The following CSMD1 variants were observed in gnomAD, a reference collection of about 807,000 sequenced individuals.
CSMD1 encodes the protein CUB and Sushi multiple domains 1.
Under a neutral mutation model 417.5 loss-of-function variants are expected in CSMD1, and 213 were observed. The ratio of observed to expected loss-of-function variants is 0.51; its 90% CI spans 0.46 to 0.57. The LOEUF is 0.57. Ranked by LOEUF, CSMD1 falls within the 20% of genes least tolerant of loss-of-function variation. The pLI, the probability that CSMD1 is intolerant of heterozygous loss-of-function variation, is 0.00. For missense variants in CSMD1, 6,923 were observed against 4,529.7 expected (o/e 1.53, Z -15.17); for synonymous variants, 2,862 against 1,736.8 (o/e 1.65, Z -16.11).
Position 3,683,219 on chromosome 8 carries a change from T to TA in CSMD1, c.1009+25194dup, listed in dbSNP as rs552810885. Among the ~76,000 whole-genome samples, 443 of 151,050 alleles carry TA rather than the reference T, an allele frequency of 2.9e-3. 1 individual carries two copies. Among genetic ancestry groups the TA allele is most frequent in the African/African-American group, 0.01 (421 of 41,298 alleles). On this transcript the variant is annotated intron_variant, in intron 7 of 69. Coordinates refer to ENST00000635120, the MANE Select transcript of CSMD1 (RefSeq NM_033225.6). ...AAATATACATATAAATATATAAAAT[T>TA]AAAAAATAAAATAATAAAAAATAAA...
chr8:4,663,659 T>C (rs551911219), intron 1 of CSMD1, among the ~76,000 whole-genome samples: 1 of 152,292 alleles, frequency 6.6e-6, no homozygotes, highest in South Asian at 2.1e-4. Flanking sequence ...TTAAGTTCCC[T>C]GAGACCTCCC....
chr8:4,760,963 G>C (rs890183548), intron 1 of CSMD1, among the ~76,000 whole-genome samples: 1 of 151,942 alleles, frequency 6.6e-6, no homozygotes, highest in Non-Finnish European at 1.5e-5. Context: ...TCAGACCAAA[G>C]TTGCATTATT....
At chr8:3,780,938 TA>T (rs916123663) in intron 5 of CSMD1, among the ~76,000 whole-genome samples, 1 of 152,176 alleles carries the variant, frequency 6.6e-6, no homozygotes, top group African/African-American at 2.4e-5. Flanking sequence ...TTTCTAAATG[TA>T]AAAATAAAGC....
intron 3 of CSMD1, among the ~76,000 whole-genome samples, chr8:4,380,008 C>G (rs1803000136): frequency 6.6e-6 from 1 of 152,180 alleles, no homozygotes; most frequent in Admixed American, 6.5e-5. Flanking sequence ...GAGAGGACTG[C>G]TGAAACTCAA....
intron 3 of CSMD1, among the ~76,000 whole-genome samples, chr8:4,276,860 A>C (rs1466053707): frequency 1.3e-5 from 2 of 152,236 alleles, no homozygotes; most frequent in Non-Finnish European, 2.9e-5. Context: ...TTCCTTAATC[A>C]GAAAATAAGT....
At chr8:3,063,401 G>A (rs945116460) in intron 49 of CSMD1, among the ~76,000 whole-genome samples, 1 of 152,162 alleles carries the variant, frequency 6.6e-6, no homozygotes, top group Non-Finnish European at 1.5e-5. Context: ...CTGTCAATAG[G>A]ACTGTTAAAC....
rs151326268 is a variant in CSMD1, at chr8:4,657,759, T to C, written c.86-20201A>G. On this transcript the variant is annotated intron_variant, in intron 1 of 69. Coordinates refer to ENST00000635120, the MANE Select transcript of CSMD1 (RefSeq NM_033225.6). The stretch of plus-strand genomic sequence containing the variant: ...ACTCTCCCTGAAAAAGCACGGACAT[T>C]TGAATTAGTAGAAAAAGACTTAAAC... Among the ~76,000 whole-genome samples the C allele has an allele frequency of 1.8e-3, 269 of 148,002 alleles. 1 individual carries two copies. Among genetic ancestry groups the C allele is most frequent in the African/African-American group, 6.5e-3 (262 of 40,550 alleles).
intron 2 of CSMD1, among the ~76,000 whole-genome samples, chr8:4,543,671 GAAAAAAAAAAAAAAAAAAAA>G (rs35739254): frequency 3.5e-5 from 2 of 57,318 alleles, no homozygotes; most frequent in Non-Finnish European, 6.2e-5. Context: ...GTTTAATTTT[GAAAAAAAAAAAAAAAAAAAA>G]AAAAAAAAAC....
At chr8:3,941,232 G>A (rs1474621029) in intron 5 of CSMD1, among the ~76,000 whole-genome samples, 1 of 151,830 alleles carries the variant, frequency 6.6e-6, no homozygotes, top group Non-Finnish European at 1.5e-5. Flanking sequence ...CCTAGCAAAT[G>A]TATTAATTAA....
intron 49 of CSMD1, among the ~76,000 whole-genome samples, chr8:3,053,104 G>C (rs1249859838): frequency 6.6e-6 from 1 of 152,042 alleles, no homozygotes; most frequent in Non-Finnish European, 1.5e-5. Context: ...CTAGGGTATG[G>C]GATAAGTATA....
At chr8:4,236,329 T>C (rs768639477) in intron 3 of CSMD1, among the ~76,000 whole-genome samples, 13 of 152,106 alleles carry the variant, frequency 8.5e-5, no homozygotes, top group Admixed American at 2.0e-4. Flanking sequence ...TATAGTAGTT[T>C]AGTGCATGAG....
At chr8:4,460,345 G>T (rs76037970) in intron 2 of CSMD1, among the ~76,000 whole-genome samples, 2 of 151,950 alleles carry the variant, frequency 1.3e-5, no homozygotes, top group Non-Finnish European at 2.9e-5. Context: ...ATTGCATAGA[G>T]GGAAATTTAG....
At position 2,961,133 on chromosome 8, in the gene CSMD1, T is replaced by G; in HGVS notation, c.9702+8A>C. On this transcript the variant is annotated splice_region_variant and intron_variant, in intron 62 of 69. Coordinates refer to ENST00000635120, the MANE Select transcript of CSMD1 (RefSeq NM_033225.6). ...GAAAGAAAACATAGTAAATTCATAATGAACTACCTCATAGCCTCTGGAGCT... is the reference window on the plus strand; with the variant it reads ...GAAAGAAAACATAGTAAATTCATAAGGAACTACCTCATAGCCTCTGGAGCT... 1 of 1,523,102 alleles carries G rather than the reference T, an allele frequency of 6.6e-7. No homozygotes were observed. The highest frequency in any genetic ancestry group is 8.9e-7 in the Non-Finnish European group (1 of 1,121,716). 94.3% of individuals were successfully genotyped at this position (1,523,102 alleles called of 1,614,324 possible). A position where few individuals can be genotyped will look rare whatever the true frequency, so the allele number is the denominator to read the frequency against.
intron 23 of CSMD1, among the ~76,000 whole-genome samples, chr8:3,327,674 C>A (rs80300827): frequency 1.3e-5 from 2 of 152,002 alleles, no homozygotes; most frequent in African/African-American, 2.4e-5. Context: ...GGAATAGAAC[C>A]GAAGAAATGA....
At chr8:4,095,270 G>A (rs548318093) in intron 3 of CSMD1, among the ~76,000 whole-genome samples, 34 of 152,258 alleles carry the variant, frequency 2.2e-4, no homozygotes, top group Admixed American at 3.9e-4. Context: ...CCTCCGAGGA[G>A]ATTAAAATGT....
At chr8:3,095,979 A>T (rs886802929) in intron 47 of CSMD1, among the ~76,000 whole-genome samples, 2 of 152,172 alleles carry the variant, frequency 1.3e-5, no homozygotes, top group African/African-American at 4.8e-5. Flanking sequence ...CTCCTGTAGC[A>T]TTTATCATCT....
At chr8:3,141,854 G>C (rs747952235) in intron 41 of CSMD1, among the ~76,000 whole-genome samples, 2 of 149,826 alleles carry the variant, frequency 1.3e-5, no homozygotes, top group South Asian at 2.1e-4. Context: ...CTGGAGTGCA[G>C]TGGCGCGATC....
In CSMD1 at chr8:2,987,459, T is replaced by G. The variant is rs533364834; in HGVS notation, c.8378-8659A>C. Among the ~76,000 whole-genome samples, 293 of 149,166 alleles carry G rather than the reference T, an allele frequency of 2.0e-3. 1 individual carries two copies. The highest frequency in any genetic ancestry group is 3.3e-3 in the Non-Finnish European group (223 of 67,414). ...ATAAGAAATATATAAAGAAGTATAT[T>G]TCTATATATATAAGAAATACATAAA... On this transcript the variant is annotated intron_variant, in intron 54 of 69. Coordinates refer to ENST00000635120, the MANE Select transcript of CSMD1 (RefSeq NM_033225.6).
intron 10 of CSMD1, among the ~76,000 whole-genome samples, chr8:3,511,693 G>T (rs759846401): frequency 1.3e-5 from 2 of 151,712 alleles, no homozygotes. Flanking sequence ...GGGCGGTGGA[G>T]GTTGTGGTGA....
Sources: allele counts gnomAD v4.1 joint callset (sites outside exome capture counted in the v4.1 genomes callset), GRCh38; gene constraint gnomAD v4.1.1; transcripts MANE v1.5; gene names NCBI Gene and HGNC (gene_info 2026-07-23, HGNC 2026-07-21).